ITK: variants seen among roughly 807,000 people sequenced by gnomAD.
The protein encoded by ITK is IL2 inducible T cell kinase.
Under a neutral mutation model 87.6 loss-of-function variants are expected in ITK, and 45 were observed. The ratio of observed to expected loss-of-function variants is 0.51; its 90% CI spans 0.40 to 0.66. ITK has a LOEUF of 0.66. Among genes scored for constraint, ITK ranks in the 30% least tolerant of loss-of-function variants. The probability of loss-of-function intolerance (pLI) is 0.00; values close to 1 mark genes in which losing one functional copy is unlikely to be tolerated. For missense variants in ITK, 605 were observed against 766.3 expected, an observed-to-expected ratio of 0.79 and a Z score of 2.48; for synonymous variants, 303 against 273.6, an observed-to-expected ratio of 1.11 and a Z score of -1.06.
In ITK at chr5:157,208,955, G is replaced by A; in HGVS notation, c.205G>A (p.Asp69Asn). 1 of 1,614,006 alleles carries A rather than the reference G, an allele frequency of 6.2e-7. No homozygotes were observed. The highest frequency in any genetic ancestry group is 8.5e-7 in the Non-Finnish European group (1 of 1,179,912). ...CAAATGTGTTGAGATTGTGAAAAGT[G>A]ACATCAGCATCCCATGCCACTATAA... ...RIKCVEIVKS[D>N]ISIPCHYKYP... The change falls in exon 2 of 17, where the codon GAC becomes AAC. Residue 69 changes from aspartate (D) to asparagine (N), a missense_variant. Physicochemically the swap from Asp to Asn is conservative, Grantham distance 23 (BLOSUM62 1). Around this residue, in one of 3 missense-constraint regions of ITK, gnomAD observed 464 missense variants for 578.0 expected, o/e 0.80. Transcript: ENST00000422843.
At chr5:157,241,116 T>G (rs1041877224) in intron 10 of ITK, 5 of 153,464 alleles carry the variant, frequency 3.3e-5, no homozygotes, top group African/African-American at 1.2e-4. Context: ...TTTGGTATTT[T>G]TTGTAGAGAC....
chr5:157,215,520 A>G (rs1309668431), intron 4 of ITK, among the ~76,000 whole-genome samples: 2 of 152,240 alleles, frequency 1.3e-5, no homozygotes, highest in Admixed American at 1.3e-4. Context: ...AAGTGATCCT[A>G]CACATTAGTC....
intron 1 of ITK, among the ~76,000 whole-genome samples, chr5:157,193,777 A>C (rs1464977542): frequency 2.0e-5 from 3 of 152,216 alleles, no homozygotes; most frequent in Non-Finnish European, 4.4e-5. Context: ...AGTTTCTAAC[A>C]TAATCCAATA....
intron 1 of ITK, chr5:157,199,128 T>G (rs1352712122): frequency 2.0e-5 from 3 of 152,180 alleles, no homozygotes; most frequent in African/African-American, 7.2e-5. Flanking sequence ...TCAGAGACTA[T>G]TCTTATGTCG....
chr5:157,185,771 G>A (rs1419043348), intron 1 of ITK, among the ~76,000 whole-genome samples: 1 of 151,952 alleles, frequency 6.6e-6, no homozygotes, highest in Non-Finnish European at 1.5e-5. Context: ...TTGAGCCCAG[G>A]AGGTTGAGAC....
chr5:157,188,240 T>G (rs1753685018), intron 1 of ITK, among the ~76,000 whole-genome samples: 1 of 152,226 alleles, frequency 6.6e-6, no homozygotes, highest in Admixed American at 6.5e-5. Context: ...TTTTACAGTC[T>G]GTTATCCACA....
chr5:157,245,364 A>G, intron 13 of ITK: 1 of 392,178 alleles, frequency 2.5e-6, no homozygotes, highest in Non-Finnish European at 4.8e-6. Flanking sequence ...AACAACATCA[A>G]AACATTCTTA....
At chr5:157,250,376 T>G (rs1205662870) in intron 16 of ITK, among the ~76,000 whole-genome samples, 1 of 152,200 alleles carries the variant, frequency 6.6e-6, no homozygotes, top group East Asian at 1.9e-4. Context: ...TCCCTCCATG[T>G]CTTTTCGTGG....
chr5:157,229,210 A>G (rs1286126418), intron 7 of ITK, among the ~76,000 whole-genome samples: 2 of 152,238 alleles, frequency 1.3e-5, no homozygotes, highest in African/African-American at 4.8e-5. Flanking sequence ...GTATCAACTG[A>G]TTCAGGCAAG....
At chr5:157,245,465 A>T in intron 13 of ITK, 1 of 557,322 alleles carries the variant, frequency 1.8e-6, no homozygotes, top group South Asian at 2.0e-5. Flanking sequence ...ATCTTTGGTT[A>T]GACAACACCA....
rs1753868208 is a variant in ITK, at chr5:157,197,168, A to G, written c.139-11721A>G. ...ATATAAAAGCACACTGAATTACTTTATTAGAATCTATGAAGAAAAAGGCTA... is the reference window on the plus strand; with the variant it reads ...ATATAAAAGCACACTGAATTACTTTGTTAGAATCTATGAAGAAAAAGGCTA... On this transcript the variant is annotated intron_variant, in intron 1 of 16. Transcript: ENST00000422843. 2.0e-5 allele frequency among the ~76,000 whole-genome samples: 3 copies of G among 152,212 alleles called. No homozygotes were observed. The South Asian group carries it at 6.2e-4, about 31-fold the overall frequency.
intron 7 of ITK, among the ~76,000 whole-genome samples, chr5:157,229,742 C>T (rs1283415942): frequency 6.6e-6 from 1 of 152,068 alleles, no homozygotes; most frequent in Non-Finnish European, 1.5e-5. Context: ...GGTGAAACCA[C>T]CGTCTCTACT....
At chr5:157,198,056 G>A (rs947104184) in intron 1 of ITK, among the ~76,000 whole-genome samples, 1 of 151,810 alleles carries the variant, frequency 6.6e-6, no homozygotes, top group East Asian at 1.9e-4. Flanking sequence ...AGGCCAAGGC[G>A]GGTGGATTGC....
At chr5:157,181,793 G>A (rs564204313) in intron 1 of ITK, among the ~76,000 whole-genome samples, 91 of 152,332 alleles carry the variant, frequency 6.0e-4, no homozygotes, top group African/African-American at 2.1e-3. Flanking sequence ...TTACCCAGAA[G>A]GAGTATGGCT....
At chr5:157,187,014 T>C (rs1753659565) in intron 1 of ITK, among the ~76,000 whole-genome samples, 1 of 152,210 alleles carries the variant, frequency 6.6e-6, no homozygotes, top group South Asian at 2.1e-4. Context: ...GTCTCGTCTG[T>C]CTCAGCTCAT....
chr5:157,240,149 C>A lies in ITK; in HGVS notation c.939C>A (p.Phe313Leu). The A allele has an allele frequency of 6.2e-7, 1 of 1,614,014 alleles. No homozygotes were observed. Among genetic ancestry groups the A allele is most frequent in the Non-Finnish European group, 8.5e-7 (1 of 1,179,936 alleles). Residue 313 changes from phenylalanine (F) to leucine (L), a missense_variant, in exon 10 of 17, where the codon TTC becomes TTA. Coordinates refer to ENST00000422843, the MANE Select transcript of ITK (RefSeq NM_005546.4). ...KRYYVAEKYVFDSIPLLINYH... is the reference protein window; with the variant it reads ...KRYYVAEKYVLDSIPLLINYH... ...ACTATGTGGCTGAAAAGTATGTGTTCGATTCCATCCCTCTTCTCATCAACT... is the reference window on the plus strand; with the variant it reads ...ACTATGTGGCTGAAAAGTATGTGTTAGATTCCATCCCTCTTCTCATCAACT...
In ITK at chr5:157,253,568, G is replaced by C. The variant is rs1322006751; in HGVS notation, c.*890G>C. The C allele has an allele frequency of 1.3e-5, 3 of 228,176 alleles. No individual in the cohort carries two copies. The highest frequency in any genetic ancestry group is 2.2e-5 in the African/African-American group (1 of 45,066). The allele number at this position is 228,176 out of a possible 1,614,324, so 14.1% of individuals were successfully genotyped here. A position where few individuals can be genotyped will look rare whatever the true frequency, so the allele number is the denominator to read the frequency against. ...AATGCTTCCACCAGCATCCTGAGAA[G>C]AAATGATTACTTCTGAAAAACATCC... is the stretch of plus-strand genomic sequence containing the variant. On this transcript the variant is annotated 3_prime_UTR_variant, in exon 17 of 17. Transcript: ENST00000422843.
intron 1 of ITK, among the ~76,000 whole-genome samples, chr5:157,198,670 G>A (rs538755507): frequency 6.6e-6 from 1 of 152,300 alleles, no homozygotes; most frequent in East Asian, 1.9e-4. Context: ...GGGCTGGGGA[G>A]GGAGGAACTA....
At chr5:157,229,198 G>C (rs1754597760) in intron 7 of ITK, among the ~76,000 whole-genome samples, 1 of 152,180 alleles carries the variant, frequency 6.6e-6, no homozygotes, top group Non-Finnish European at 1.5e-5. Context: ...TTGTAACCCA[G>C]AGTATCAACT....
Sources: gnomAD v4.1 joint callset for allele counts (sites outside exome capture counted in the v4.1 genomes callset) on GRCh38, gnomAD v4.1.1 for gene constraint, gnomAD v4.1.1 regional missense constraint, MANE v1.5 for transcripts, NCBI Gene and HGNC (gene_info 2026-07-23, HGNC 2026-07-21) for gene names.